TUBA1C: variants seen among roughly 807,000 people sequenced by gnomAD.
The protein encoded by TUBA1C is tubulin alpha 1c.
TUBA1C carries 16 observed loss-of-function variants against 34.9 expected under a neutral mutation model. That is an observed-to-expected ratio of 0.46 (90% CI 0.31 to 0.70). The LOEUF (loss-of-function observed/expected upper bound fraction) is 0.70. TUBA1C is among the 30% of genes least tolerant of loss of function. The probability of loss-of-function intolerance (pLI) is 0.05; values close to 1 mark genes in which losing one functional copy is unlikely to be tolerated. For synonymous variants in TUBA1C, 177 were observed against 215.9 expected (o/e 0.82, Z 1.58); for missense variants, 329 against 587.3 (o/e 0.56, Z 4.55).
chr12:49,252,677 C>T (rs1365551370), intron 1 of TUBA1C, among the ~76,000 whole-genome samples: 4 of 152,070 alleles, frequency 2.6e-5, no homozygotes, highest in Non-Finnish European at 4.4e-5. Context: ...TTTGGGAGGC[C>T]GAGGCGGGTG....
chr12:49,256,482 A>G, intron 1 of TUBA1C: 1 of 454,668 alleles, frequency 2.2e-6, no homozygotes, highest in Non-Finnish European at 4.4e-6. Context: ...TTTTGTAGTT[A>G]CAGGCTGTTC....
At position 49,269,945 on chromosome 12, in the gene TUBA1C, T is replaced by C. The variant is rs759289130; in HGVS notation, c.344T>C (p.Ile115Thr). The C allele has an allele frequency of 1.9e-6, 3 of 1,614,232 alleles. No individual in the cohort carries two copies. The highest frequency in any genetic ancestry group is 2.2e-5 in the East Asian group (1 of 44,884). The stretch of plus-strand genomic sequence containing the variant: ...CACTACACCATTGGCAAGGAGATCA[T>C]TGACCTCGTGTTGGACCGAATTCGC... ...RGHYTIGKEI[I>T]DLVLDRIRKL... The change falls in exon 3 of 4, where the codon ATT becomes ACT. Residue 115 changes from isoleucine to threonine, a missense_variant. Around this residue, in one of 4 missense-constraint regions of TUBA1C, gnomAD observed 152 missense variants for 240.3 expected, o/e 0.63. Transcript: ENST00000301072.
Position 49,273,080 on chromosome 12 carries a change from G to C in TUBA1C, c.1203G>C (p.Lys401Asn). 6.2e-7 allele frequency: 1 copy of C among 1,614,236 alleles called. No individual in the cohort carries two copies. Among genetic ancestry groups the C allele is most frequent in the Non-Finnish European group, 8.5e-7 (1 of 1,180,044 alleles). ...ACAAGTTTGACCTGATGTATGCCAA[G>C]CGTGCCTTTGTTCACTGGTACGTGG... ...LDHKFDLMYA[K>N]RAFVHWYVGE... The change falls in exon 4 of 4, where the codon AAG becomes AAC. Residue 401 changes from lysine to asparagine, a missense_variant. Physicochemically the swap from Lys to Asn is moderately conservative, Grantham distance 94. Coordinates refer to ENST00000301072, the MANE Select transcript of TUBA1C (RefSeq NM_032704.5).
intron 1 of TUBA1C, among the ~76,000 whole-genome samples, chr12:49,268,956 T>C (rs1942952019): frequency 6.6e-6 from 1 of 152,212 alleles, no homozygotes; most frequent in Non-Finnish European, 1.5e-5. Context: ...GCCGAGTAGT[T>C]CATGAACACA....
intron 1 of TUBA1C, among the ~76,000 whole-genome samples, chr12:49,255,732 A>G (rs1942777460): frequency 6.6e-6 from 1 of 151,532 alleles, no homozygotes; most frequent in South Asian, 2.1e-4. Context: ...CGCCTGGCTA[A>G]TTTTTATATT....
chr12:49,263,832 T>C (rs79025471), upstream of TUBA1C, among the ~76,000 whole-genome samples: 5,445 of 152,270 alleles, frequency 0.036, 131 homozygotes, highest in East Asian at 0.11. Flanking sequence ...TTGAAGGGTT[T>C]AATTCCTCGG....
intron 3 of TUBA1C, 46 bp from the exon 4 acceptor site, chr12:49,272,206 TA>T: frequency 6.4e-7 from 1 of 1,555,002 alleles, no homozygotes; most frequent in Non-Finnish European, 8.7e-7. Context: ...ATGTGAACAC[TA>T]AATGAAACTT....
intron 1 of TUBA1C, among the ~76,000 whole-genome samples, chr12:49,249,735 C>T (rs1326838113): frequency 6.6e-6 from 1 of 151,708 alleles, no homozygotes; most frequent in African/African-American, 2.4e-5. Context: ...GTGGCACGTG[C>T]CTGTAGTCCC....
At chr12:49,236,246 A>G (rs1316672934) in intron 1 of TUBA1C, among the ~76,000 whole-genome samples, 2 of 152,354 alleles carry the variant, frequency 1.3e-5, no homozygotes, top group Middle Eastern at 6.8e-3. Context: ...ACACATTTAT[A>G]CATATACTTC....
At chr12:49,241,149 G>A (rs1448517087) in intron 1 of TUBA1C, among the ~76,000 whole-genome samples, 2 of 152,040 alleles carry the variant, frequency 1.3e-5, no homozygotes, top group African/African-American at 2.4e-5. Context: ...TGAACCGCCC[G>A]CCTCGGCCTC....
rs755057087 is a variant in TUBA1C at position 49,270,109 on chromosome 12, T to A, written c.375+133T>A. 11 of 1,544,316 alleles carry A rather than the reference T, an allele frequency of 7.1e-6. No homozygotes were observed. The African/African-American group carries it at 1.5e-4, about 21-fold the overall frequency. ...ACTAAAATGTATCTGTTCACTAAAT[T>A]AATTGGATTTCTGAACCAGATGATC... is the stretch of plus-strand genomic sequence containing the variant. On this transcript the variant is annotated intron_variant, in intron 3 of 3. Coordinates refer to ENST00000301072, the MANE Select transcript of TUBA1C (RefSeq NM_032704.5).
At position 49,269,851 on chromosome 12, in the gene TUBA1C, C is replaced by A; in HGVS notation, c.250C>A (p.Arg84Ser). 1 of 1,613,984 alleles carries A rather than the reference C, an allele frequency of 6.2e-7. No individual in the cohort carries two copies. The highest frequency in any genetic ancestry group is 8.5e-7 in the Non-Finnish European group (1 of 1,180,020). ...VIDEVRTGTY[R>S]QLFHPEQLIT... ...AGATGAAGTTCGCACTGGCACTTAC[C>A]GCCAGCTCTTCCACCCTGAGCAACT... The change falls in exon 3 of 4, where the codon CGC (arginine) becomes AGC (serine). Residue 84 changes from arginine to serine, a missense_variant. Physicochemically the swap from Arg to Ser is moderately radical, Grantham distance 110. Around this residue, in one of 4 missense-constraint regions of TUBA1C, gnomAD observed 152 missense variants for 240.3 expected, o/e 0.63. Transcript: ENST00000301072.
intron 1 of TUBA1C, among the ~76,000 whole-genome samples, chr12:49,235,705 C>T (rs1942547644): frequency 1.3e-5 from 2 of 149,702 alleles, no homozygotes; most frequent in Admixed American, 1.3e-4. Flanking sequence ...TGCACTCCAG[C>T]CTGGGTGACA....
chr12:49,265,451 C>T (rs1296203776), intron 1 of TUBA1C, among the ~76,000 whole-genome samples: 1 of 152,218 alleles, frequency 6.6e-6, no homozygotes, highest in African/African-American at 2.4e-5. Context: ...CCGCAGGGCC[C>T]GCTACTGCCC....
intron 1 of TUBA1C, among the ~76,000 whole-genome samples, chr12:49,242,751 G>T (rs745566056): frequency 6.6e-6 from 1 of 152,120 alleles, no homozygotes; most frequent in Non-Finnish European, 1.5e-5. Flanking sequence ...GCCTCCCAAA[G>T]TGCTGGGAAT....
chr12:49,235,906 A>G (rs1942550481), intron 1 of TUBA1C, among the ~76,000 whole-genome samples: 1 of 152,164 alleles, frequency 6.6e-6, no homozygotes, highest in Non-Finnish European at 1.5e-5. Context: ...AATTTCCTCC[A>G]CCGGCCCACG....
At chr12:49,266,991 G>A (rs946193969) in intron 1 of TUBA1C, among the ~76,000 whole-genome samples, 1 of 152,284 alleles carries the variant, frequency 6.6e-6, no homozygotes, top group South Asian at 2.1e-4. Context: ...GCAGGAGAGC[G>A]GCAGCGGACT....
At chr12:49,244,386 A>G (rs962138140) in intron 1 of TUBA1C, among the ~76,000 whole-genome samples, 2 of 152,162 alleles carry the variant, frequency 1.3e-5, no homozygotes, top group Admixed American at 1.3e-4. Flanking sequence ...AGAAACATCT[A>G]AAAATGGGAA....
intron 1 of TUBA1C, among the ~76,000 whole-genome samples, chr12:49,242,755 T>A (rs1031429835): frequency 6.6e-6 from 1 of 152,186 alleles, no homozygotes; most frequent in African/African-American, 2.4e-5. Flanking sequence ...CCCAAAGTGC[T>A]GGGAATACAG....
Sources: allele counts gnomAD v4.1 joint callset (sites outside exome capture counted in the v4.1 genomes callset), GRCh38; gene constraint gnomAD v4.1.1; regional missense constraint gnomAD v4.1.1; transcripts MANE v1.5; gene names NCBI Gene and HGNC (gene_info 2026-07-23, HGNC 2026-07-21).